HMGN3: variants seen among roughly 807,000 people sequenced by gnomAD.
HMGN3 encodes high mobility group nucleosomal binding domain 3.
In HMGN3, 6 loss-of-function variants were observed where a neutral mutation model predicts 18.8. The ratio of observed to expected loss-of-function variants is 0.32; its 90% confidence interval spans 0.18 to 0.63. HMGN3 has a LOEUF of 0.63. HMGN3 is among the 30% of genes least tolerant of loss of function. HMGN3 has a pLI of 0.79. For synonymous variants in HMGN3, 40 were observed against 36.5 expected (o/e 1.10, Z -0.35); for missense variants, 107 against 114.2 (o/e 0.94, Z 0.29).
At position 79,232,555 on chromosome 6, in the gene HMGN3, C is replaced by T. The variant is rs574463389; in HGVS notation, c.15+1991G>A. Reference sequence around the variant, plus strand: ...CTAGCTTATGCATGGGGGTTCCCTGCCTTCCAGGGAAATAAAACTGTAGCT... The same window carrying T: ...CTAGCTTATGCATGGGGGTTCCCTGTCTTCCAGGGAAATAAAACTGTAGCT... On this transcript the variant is annotated intron_variant, in intron 1 of 5. Coordinates refer to ENST00000344726, the Ensembl canonical transcript of HMGN3. 3.3e-5 allele frequency among the ~76,000 whole-genome samples: 5 copies of T among 152,164 alleles called. No homozygotes were observed. The East Asian group carries it at 9.7e-4, about 29-fold the overall frequency.
chr6:79,228,759 G>T (rs1000746183), intron 1 of HMGN3, among the ~76,000 whole-genome samples: 1 of 152,090 alleles, frequency 6.6e-6, no homozygotes, highest in Admixed American at 6.5e-5. Flanking sequence ...TAGAGATGAC[G>T]TCTCGCTATG....
intron 3 of HMGN3, among the ~76,000 whole-genome samples, chr6:79,204,135 G>A (rs1300850324): frequency 1.3e-5 from 2 of 152,076 alleles, no homozygotes; most frequent in Non-Finnish European, 2.9e-5. Context: ...TAGATTTCGA[G>A]TTCTGTTGCC....
intron 1 of HMGN3, chr6:79,234,262 CTTG>C (rs1447762401): frequency 5.7e-6 from 2 of 348,470 alleles, no homozygotes; most frequent in Non-Finnish European, 5.2e-6. Flanking sequence ...GCTTTTGCTT[CTTG>C]TTGTTGGGGG....
chr6:79,227,140 T>C (rs1777600165), intron 1 of HMGN3, among the ~76,000 whole-genome samples: 1 of 152,246 alleles, frequency 6.6e-6, no homozygotes, highest in Admixed American at 6.5e-5. Context: ...GAAAGTGGAA[T>C]ATATTTAACT....
At chr6:79,213,015 A>G (rs1306619287) in intron 2 of HMGN3, among the ~76,000 whole-genome samples, 2 of 151,816 alleles carry the variant, frequency 1.3e-5, no homozygotes, top group African/African-American at 4.8e-5. Flanking sequence ...TAACAACCAA[A>G]AATACATAAA....
intron 4 of HMGN3, among the ~76,000 whole-genome samples, chr6:79,203,152 C>T (rs4706754): frequency 0.93 from 142,325 of 152,224 alleles, 66,722 homozygotes; most frequent in East Asian, 1. Flanking sequence ...TTATAAATGC[C>T]AATATTACCT....
chr6:79,233,961 C>G (rs986506500), intron 1 of HMGN3: 3 of 152,538 alleles, frequency 2.0e-5, no homozygotes, highest in African/African-American at 7.2e-5. Context: ...GCCTCGCCGG[C>G]CCCAGCCCTG....
chr6:79,228,390 C>G (rs776016386), intron 1 of HMGN3, among the ~76,000 whole-genome samples: 1 of 152,112 alleles, frequency 6.6e-6, no homozygotes, highest in Non-Finnish European at 1.5e-5. Flanking sequence ...CATTTTGGAG[C>G]CTTTACTCAA....
chr6:79,203,372 C>CT, intron 4 of HMGN3, among the ~76,000 whole-genome samples: 1 of 152,308 alleles, frequency 6.6e-6, no homozygotes, highest in Middle Eastern at 3.4e-3. Context: ...AGCAACATCT[C>CT]TGACTTCCCG....
chr6:79,215,759 T>C (rs1554165198), intron 1 of HMGN3, among the ~76,000 whole-genome samples: 1 of 152,236 alleles, frequency 6.6e-6, no homozygotes, highest in Non-Finnish European at 1.5e-5. Flanking sequence ...TAAAATGTAC[T>C]TTGGATTTAT....
At chr6:79,211,105 T>C (rs910728771) in intron 2 of HMGN3, among the ~76,000 whole-genome samples, 10 of 151,400 alleles carry the variant, frequency 6.6e-5, no homozygotes, top group Non-Finnish European at 1.0e-4. Flanking sequence ...TATGACTTGC[T>C]ACATACAATT....
chr6:79,229,837 T>C (rs1454367693), intron 1 of HMGN3, among the ~76,000 whole-genome samples: 1 of 151,916 alleles, frequency 6.6e-6, no homozygotes, highest in South Asian at 2.1e-4. Flanking sequence ...GAGATCGCGC[T>C]ACTGCCCTCC....
intron 4 of HMGN3, among the ~76,000 whole-genome samples, chr6:79,202,838 G>C (rs993048123): frequency 7.2e-5 from 11 of 152,160 alleles, no homozygotes; most frequent in African/African-American, 2.4e-4. Flanking sequence ...CTAGAAAGCT[G>C]GGAAGGTGCA....
At chr6:79,213,939 T>C (rs975636875) in intron 2 of HMGN3, among the ~76,000 whole-genome samples, 2 of 152,206 alleles carry the variant, frequency 1.3e-5, no homozygotes, top group African/African-American at 4.8e-5. Context: ...TCTAAAGCCC[T>C]GTGCAAACGG....
chr6:79,208,646 C>T, intron 2 of HMGN3, 70 bp from the exon 3 acceptor site: 1 of 1,180,782 alleles, frequency 8.5e-7, no homozygotes, highest in Non-Finnish European at 1.3e-6. Flanking sequence ...TTTTAAAAAT[C>T]TATTCTTAAT....
intron 1 of HMGN3, among the ~76,000 whole-genome samples, chr6:79,220,138 C>A (rs769127214): frequency 6.6e-6 from 1 of 152,052 alleles, no homozygotes; most frequent in Non-Finnish European, 1.5e-5. Flanking sequence ...TGGTTTTGTT[C>A]TGGAGGATGA....
intron 1 of HMGN3, among the ~76,000 whole-genome samples, chr6:79,217,980 C>T (rs950187259): frequency 6.6e-6 from 1 of 152,238 alleles, no homozygotes; most frequent in Admixed American, 6.5e-5. Context: ...CAGGACACAA[C>T]AGGCTTACAC....
At chr6:79,222,714 G>T (rs1291550335) in intron 1 of HMGN3, among the ~76,000 whole-genome samples, 2 of 152,024 alleles carry the variant, frequency 1.3e-5, no homozygotes, top group Non-Finnish European at 2.9e-5. Flanking sequence ...TCCCTTCATG[G>T]GATTAATAAT....
intron 2 of HMGN3, among the ~76,000 whole-genome samples, chr6:79,212,203 G>A (rs896099321): frequency 1.3e-5 from 2 of 152,170 alleles, no homozygotes; most frequent in Admixed American, 6.5e-5. Flanking sequence ...CATAGGGATA[G>A]CGGATTTTGG....
Sources: allele counts gnomAD v4.1 joint callset (sites outside exome capture counted in the v4.1 genomes callset), GRCh38; gene constraint gnomAD v4.1.1; transcripts MANE v1.5; gene names NCBI Gene and HGNC (gene_info 2026-07-23, HGNC 2026-07-21).